Variants in ACYP2 observed in about 807,000 individuals in gnomAD.
ACYP2 encodes acylphosphatase-2.
ACYP2 carries 12 observed loss-of-function variants against 11.2 expected under a neutral mutation model. That is an observed-to-expected ratio of 1.08 (90% CI 0.69 to 1.74). The LOEUF is 1.74. ACYP2 is among the 40% of genes most tolerant of loss of function. The pLI, the probability that ACYP2 is intolerant of heterozygous loss-of-function variation, is 0.00. For missense variants in ACYP2, 134 were observed against 101.9 expected (o/e 1.31, Z -1.35); for synonymous variants, 43 against 32.2 (o/e 1.33, Z -1.13).
intron 3 of ACYP2, among the ~76,000 whole-genome samples, chr2:54,052,750 A>T (rs558611134): frequency 6.6e-6 from 1 of 152,208 alleles, no homozygotes; most frequent in Non-Finnish European, 1.5e-5. Flanking sequence ...GAGGTTTCCA[A>T]TTGAAAATGG....
chr2:54,266,104 G>A (rs1437842706), intron 6 of ACYP2, among the ~76,000 whole-genome samples: 7 of 152,068 alleles, frequency 4.6e-5, no homozygotes, highest in Non-Finnish European at 1.0e-4. Context: ...CAACTCTTGG[G>A]TCAAAAAGGA....
At chr2:54,204,417 T>C (rs1347766041) in intron 6 of ACYP2, among the ~76,000 whole-genome samples, 1 of 152,046 alleles carries the variant, frequency 6.6e-6, no homozygotes, top group East Asian at 1.9e-4. Flanking sequence ...AGCCAAAAGA[T>C]TGGACACCCC....
intron 4 of ACYP2, among the ~76,000 whole-genome samples, chr2:54,103,048 G>C (rs1678982950): frequency 6.6e-6 from 1 of 152,198 alleles, no homozygotes; most frequent in African/African-American, 2.4e-5. Context: ...CCCTGCACAA[G>C]GGTAAGGGAA....
chr2:54,148,428 C>A (rs182311230), intron 6 of ACYP2, among the ~76,000 whole-genome samples: 38 of 152,244 alleles, frequency 2.5e-4, no homozygotes, highest in African/African-American at 7.2e-4. Flanking sequence ...CGAGAAAATC[C>A]ATATGAAGCA....
chr2:54,282,222 A>G (rs951286111), intron 6 of ACYP2, among the ~76,000 whole-genome samples: 3 of 152,230 alleles, frequency 2.0e-5, no homozygotes, highest in Admixed American at 2.0e-4. Context: ...TAAAAATATT[A>G]TTTACACTCC....
intron 4 of ACYP2, among the ~76,000 whole-genome samples, chr2:54,131,886 G>A (rs1162154444): frequency 3.3e-5 from 5 of 152,138 alleles, no homozygotes; most frequent in Admixed American, 2.6e-4. Flanking sequence ...TAGCATTTCT[G>A]TTCCTTGGAG....
intron 6 of ACYP2, among the ~76,000 whole-genome samples, chr2:54,229,146 CT>C (rs1226289210): frequency 1.3e-5 from 2 of 152,096 alleles, no homozygotes; most frequent in Non-Finnish European, 2.9e-5. Context: ...AGGCAAGAGA[CT>C]TATTTTCCTA....
chr2:53,990,353 A>C (rs568948616), intron 2 of ACYP2, among the ~76,000 whole-genome samples: 14 of 152,252 alleles, frequency 9.2e-5, no homozygotes, highest in African/African-American at 3.4e-4. Context: ...GATAGTTGAT[A>C]TATCAAGAAT....
At chr2:54,193,092 C>T (rs1684304109) in intron 6 of ACYP2, among the ~76,000 whole-genome samples, 1 of 152,142 alleles carries the variant, frequency 6.6e-6, no homozygotes, top group South Asian at 2.1e-4. Context: ...TGAGCAAAAC[C>T]TTTCACATAA....
intron 6 of ACYP2, among the ~76,000 whole-genome samples, chr2:54,210,000 G>A (rs1685262645): frequency 6.6e-6 from 1 of 152,022 alleles, no homozygotes; most frequent in Admixed American, 6.6e-5. Context: ...AATTAGCTGG[G>A]CATGGTGGCG....
chr2:54,138,819 G>A (rs1257748448), intron 6 of ACYP2, 71 bp downstream of exon 3: 1 of 1,266,182 alleles, frequency 7.9e-7, no homozygotes, highest in African/African-American at 1.5e-5. Flanking sequence ...TTAAGACATG[G>A]TCTTGCTCTG....
chr2:54,028,989 C>G (rs1322982820), intron 2 of ACYP2, among the ~76,000 whole-genome samples: 5 of 152,046 alleles, frequency 3.3e-5, no homozygotes, highest in African/African-American at 1.2e-4. Context: ...GAGACCTCAT[C>G]TCTACAAAAT....
intron 6 of ACYP2, among the ~76,000 whole-genome samples, chr2:54,165,890 C>T (rs1682947995): frequency 6.6e-6 from 1 of 152,150 alleles, no homozygotes; most frequent in Non-Finnish European, 1.5e-5. Flanking sequence ...AGGGTTATCT[C>T]TCTAAAAGTC....
At chr2:54,274,025 G>A (rs1206142255) in intron 6 of ACYP2, among the ~76,000 whole-genome samples, 1 of 152,136 alleles carries the variant, frequency 6.6e-6, no homozygotes, top group South Asian at 2.1e-4. Flanking sequence ...TATGCCTGTT[G>A]TATTAGTCTG....
At chr2:53,973,142 C>G (rs549680022) in intron 1 of ACYP2, among the ~76,000 whole-genome samples, 1 of 152,274 alleles carries the variant, frequency 6.6e-6, no homozygotes, top group East Asian at 1.9e-4. Context: ...AGGTAGCTAA[C>G]AGGTCAAATG....
At chr2:54,035,027 A>AAAAAAAAAAAAAT (rs1558484930) in intron 2 of ACYP2, among the ~76,000 whole-genome samples, 19 of 147,732 alleles carry the variant, frequency 1.3e-4, no homozygotes, top group African/African-American at 3.9e-4. Flanking sequence ...AAAAAAAAAA[A>AAAAAAAAAAAAAT]AAAAAGCCTA....
intron 6 of ACYP2, among the ~76,000 whole-genome samples, chr2:54,170,193 C>T (rs760835115): frequency 3.3e-5 from 5 of 152,154 alleles, no homozygotes; most frequent in African/African-American, 4.8e-5. Flanking sequence ...CACTCTGTTG[C>T]CCAGGCTGGT....
intron 2 of ACYP2, chr2:54,030,619 G>A (rs763458463): frequency 3.5e-5 from 6 of 170,810 alleles, no homozygotes; most frequent in African/African-American, 7.2e-5. Context: ...ACAACTCCAC[G>A]TTTTCTAAAC....
At chr2:54,117,815 A>G (rs898884055) in intron 4 of ACYP2, among the ~76,000 whole-genome samples, 2 of 152,096 alleles carry the variant, frequency 1.3e-5, no homozygotes, top group Non-Finnish European at 2.9e-5. Context: ...GTGGTGTTTG[A>G]TTACATGAAT....
Sources: gnomAD v4.1 joint callset for allele counts (sites outside exome capture counted in the v4.1 genomes callset) on GRCh38, gnomAD v4.1.1 for gene constraint, MANE v1.5 for transcripts, NCBI Gene and HGNC (gene_info 2026-07-23, HGNC 2026-07-21) for gene names.